Variants in ZCWPW2 observed in about 807,000 individuals in gnomAD.
The protein encoded by ZCWPW2 is zinc finger CW-type PWWP domain protein 2.
Under a neutral mutation model 46.6 loss-of-function variants are expected in ZCWPW2, and 45 were observed. That is an observed-to-expected ratio of 0.96 (90% confidence interval 0.76 to 1.24). The LOEUF (loss-of-function observed/expected upper bound fraction) is 1.24. ZCWPW2 is among the 50% of genes most tolerant of loss of function. ZCWPW2 has a pLI of 0.00. For missense variants in ZCWPW2, 429 were observed against 403.9 expected, an observed-to-expected ratio of 1.06 and a Z score of -0.53; for synonymous variants, 152 against 137.1, an observed-to-expected ratio of 1.11 and a Z score of -0.76.
At chr3:28,505,077 G>T (rs1350625919) in intron 6 of ZCWPW2, among the ~76,000 whole-genome samples, 1 of 152,156 alleles carries the variant, frequency 6.6e-6, no homozygotes, top group Non-Finnish European at 1.5e-5. Context: ...AGCCAGGATT[G>T]TAAGTGTTAA....
rs1411608199 is a variant in ZCWPW2, at chr3:28,365,519, TAC to T, written c.-134+16317_-134+16318del. 1.4e-5 allele frequency among the ~76,000 whole-genome samples: 2 copies of T among 141,200 alleles called. 1 individual carries two copies. The highest frequency in any genetic ancestry group is 3.2e-5 in the Non-Finnish European group (2 of 63,068). 92.6% of individuals were successfully genotyped at this position (141,200 alleles called of 152,430 possible). A position where few individuals can be genotyped will look rare whatever the true frequency, so the allele number is the denominator to read the frequency against. ...CCGTTAGTCTATATCTCCGTTTTGG[TAC>T]CAGTACCATGCTGTTTTGGTTACCG... On this transcript the variant is annotated intron_variant, in intron 1 of 9. Coordinates refer to ENST00000383768, the MANE Select transcript of ZCWPW2 (RefSeq NM_001040432.4).
At chr3:28,494,598 A>C (rs1699924561) in intron 6 of ZCWPW2, among the ~76,000 whole-genome samples, 1 of 149,724 alleles carries the variant, frequency 6.7e-6, no homozygotes, top group Non-Finnish European at 1.5e-5. Flanking sequence ...CAGGAGAAGG[A>C]AATAAAGGGT....
chr3:28,442,112 C>T (rs1697784915), intron 4 of ZCWPW2, among the ~76,000 whole-genome samples: 1 of 152,210 alleles, frequency 6.6e-6, no homozygotes, highest in Non-Finnish European at 1.5e-5. Context: ...CTGGACCACA[C>T]TCAAAACTGA....
At chr3:28,435,587 G>A (rs1431933607) in intron 4 of ZCWPW2, among the ~76,000 whole-genome samples, 13 of 149,246 alleles carry the variant, frequency 8.7e-5, no homozygotes, top group South Asian at 2.1e-4. Flanking sequence ...CTGGGTTCAC[G>A]CCATTCTCCT....
chr3:28,354,396 G>A (rs1265765751), intron 1 of ZCWPW2, among the ~76,000 whole-genome samples: 1 of 140,694 alleles, frequency 7.1e-6, no homozygotes. Flanking sequence ...AGGACCAGAC[G>A]GATTCACAGC....
Position 28,477,055 on chromosome 3 carries a change from A to G in ZCWPW2, c.493-1759A>G, listed in dbSNP as rs942737892. ...AGGGAATATTATAGCAACTGTTCCT[A>G]CACTATTCCTATATACAGAATAGTG... On this transcript the variant is annotated intron_variant, in intron 4 of 9. Transcript: ENST00000383768. Among the ~76,000 whole-genome samples, 71 of 152,132 alleles carry G rather than the reference A, an allele frequency of 4.7e-4. 1 individual carries two copies. Among genetic ancestry groups the G allele is most frequent in the African/African-American group, 1.6e-3 (65 of 41,410 alleles).
chr3:28,373,321 A>G (rs1011837149), intron 1 of ZCWPW2, among the ~76,000 whole-genome samples: 1 of 151,924 alleles, frequency 6.6e-6, no homozygotes, highest in African/African-American at 2.4e-5. Context: ...AGCATTTGTT[A>G]TTTTTTGTCC....
At chr3:28,414,869 C>T (rs946671081) in intron 3 of ZCWPW2, among the ~76,000 whole-genome samples, 5 of 4,802 alleles carry the variant, frequency 1.0e-3, no homozygotes, top group Admixed American at 3.7e-3. Context: ...TGTTGGACAT[C>T]TGGGTTGGTT....
chr3:28,513,239 A>T (rs557512090), intron 6 of ZCWPW2, among the ~76,000 whole-genome samples: 1 of 152,272 alleles, frequency 6.6e-6, no homozygotes, highest in South Asian at 2.1e-4. Flanking sequence ...AAGACCCTGT[A>T]TACATTTTTA....
chr3:28,489,694 A>T (rs1214458905), intron 5 of ZCWPW2, among the ~76,000 whole-genome samples: 2 of 141,294 alleles, frequency 1.4e-5, no homozygotes, highest in African/African-American at 5.1e-5. Context: ...ACACACACAC[A>T]CACACACACA....
chr3:28,450,433 T>G (rs1698180805), intron 4 of ZCWPW2, among the ~76,000 whole-genome samples: 1 of 152,230 alleles, frequency 6.6e-6, no homozygotes, highest in African/African-American at 2.4e-5. Flanking sequence ...AATTTTGACT[T>G]AATGTTTATA....
At chr3:28,499,018 G>A (rs976849565) in intron 6 of ZCWPW2, among the ~76,000 whole-genome samples, 3 of 152,106 alleles carry the variant, frequency 2.0e-5, no homozygotes, top group Non-Finnish European at 2.9e-5. Context: ...TGGTGTATAT[G>A]TGCCACATTT....
At chr3:28,365,949 G>C (rs1654356270) in intron 1 of ZCWPW2, among the ~76,000 whole-genome samples, 1 of 142,290 alleles carries the variant, frequency 7.0e-6, no homozygotes, top group Non-Finnish European at 1.6e-5. Flanking sequence ...CTCTCTGTCT[G>C]TTATTGGTGT....
In ZCWPW2 at chr3:28,403,971, G is replaced by A. The variant is rs772803461; in HGVS notation, c.-13-9085G>A. Among the ~76,000 whole-genome samples, 46 of 152,232 alleles carry A rather than the reference G, an allele frequency of 3.0e-4. 1 individual carries two copies. Among genetic ancestry groups the A allele is most frequent in the Middle Eastern group, 3.4e-3 (1 of 294 alleles). The stretch of plus-strand genomic sequence containing the variant: ...AGATAATATTGGAAAACCCCTTCTA[G>A]ACATTGACTTAGGCATGGACTTCAT... On this transcript the variant is annotated intron_variant, in intron 2 of 9. Coordinates refer to ENST00000383768, the MANE Select transcript of ZCWPW2 (RefSeq NM_001040432.4).
rs545716489 is a variant in ZCWPW2, at chr3:28,478,690, G to A, written c.493-124G>A. On this transcript the variant is annotated intron_variant, in intron 4 of 9. Coordinates refer to ENST00000383768, the MANE Select transcript of ZCWPW2 (RefSeq NM_001040432.4). ...TAATATTAAAATAATAATTAGATACGAAAGTCTAAGAAATACGTTATACAA... is the reference window on the plus strand; with the variant it reads ...TAATATTAAAATAATAATTAGATACAAAAGTCTAAGAAATACGTTATACAA... The A allele has an allele frequency of 2.8e-5, 12 of 433,436 alleles. No individual in the cohort carries two copies. In the South Asian group the frequency reaches 7.9e-4, roughly 29 times the overall value. The allele number at this position is 433,436 out of a possible 1,614,324, so 26.8% of individuals were successfully genotyped here. A position where few individuals can be genotyped will look rare whatever the true frequency, so the allele number is the denominator to read the frequency against.
intron 1 of ZCWPW2, among the ~76,000 whole-genome samples, chr3:28,379,243 G>A (rs894513404): frequency 6.6e-6 from 1 of 152,178 alleles, no homozygotes; most frequent in African/African-American, 2.4e-5. Flanking sequence ...TGGATGAGAA[G>A]TGATGGAGAT....
intron 2 of ZCWPW2, among the ~76,000 whole-genome samples, chr3:28,393,050 A>G (rs547541080): frequency 6.6e-6 from 1 of 152,130 alleles, no homozygotes; most frequent in East Asian, 1.9e-4. Flanking sequence ...AAATTGACAA[A>G]CCTGTAGCTC....
chr3:28,433,770 C>A (rs112329243), intron 3 of ZCWPW2, among the ~76,000 whole-genome samples: 2,243 of 94,586 alleles, frequency 0.024, 17 homozygotes, highest in Non-Finnish European at 0.029. Flanking sequence ...AAAAAAAAAA[C>A]AAAAAACAAA....
chr3:28,457,956 A>G (rs1698484481), intron 4 of ZCWPW2, among the ~76,000 whole-genome samples: 1 of 152,156 alleles, frequency 6.6e-6, no homozygotes, highest in Non-Finnish European at 1.5e-5. Flanking sequence ...ACTATGATTA[A>G]TTGTCCTAAA....
Sources: allele counts gnomAD v4.1 joint callset (sites outside exome capture counted in the v4.1 genomes callset), GRCh38; gene constraint gnomAD v4.1.1; transcripts MANE v1.5; gene names NCBI Gene and HGNC (gene_info 2026-07-23, HGNC 2026-07-21).